The following EXOC1L variants were observed in gnomAD, a reference collection of about 807,000 sequenced individuals.
EXOC1L encodes exocyst complex component 1 like, also known as exocyst complex component 1-like.
In EXOC1L, 10 loss-of-function variants were observed where a neutral mutation model predicts 4.9. That is an observed-to-expected ratio of 2.02 (90% CI 1.25 to 3.43). The LOEUF is 3.43. Among genes scored for constraint, EXOC1L ranks in the 30% most tolerant of loss-of-function variants. The probability of loss-of-function intolerance (pLI) is 0.00; values close to 1 mark genes in which losing one functional copy is unlikely to be tolerated. For missense variants in EXOC1L, 114 were observed against 59.4 expected (o/e 1.92, Z -3.02); for synonymous variants, 41 against 20.8 (o/e 1.97, Z -2.63).
Position 55,837,085 on chromosome 4 carries a change from G to A in EXOC1L, c.253G>A (p.Asp85Asn). 1.4e-6 allele frequency: 1 copy of A among 697,202 alleles called. No homozygotes were observed. Among genetic ancestry groups the A allele is most frequent in the Non-Finnish European group, 2.6e-6 (1 of 381,578 alleles). The allele number at this position is 697,202 out of a possible 1,614,324, so 43.2% of individuals were successfully genotyped here. Residue 85 changes from aspartate to asparagine, a missense_variant and splice_region_variant, in exon 3 of 3, where the codon GAC (aspartate) becomes AAC (asparagine). Physicochemically the swap from Asp to Asn is conservative, Grantham distance 23. Coordinates refer to ENST00000636125, the MANE Select transcript of EXOC1L (RefSeq NM_001351574.3). ...QMIDGKEADT[D>N]NPFFDLHFKK... Reference sequence around the variant, plus strand: ...AATCATGTCTCTCATTCTCTTCCAGGACAATCCATTTTTTGATCTGCACTT... The same window carrying A: ...AATCATGTCTCTCATTCTCTTCCAGAACAATCCATTTTTTGATCTGCACTT...
intron 1 of EXOC1L, 122 bp from the exon 2 acceptor site, chr4:55,831,212 G>A (rs1010327809): frequency 2.1e-6 from 1 of 485,802 alleles, no homozygotes. Flanking sequence ...TTGAGGCGCA[G>A]CTATAATGTG....
intron 1 of EXOC1L, among the ~76,000 whole-genome samples, chr4:55,821,914 A>G (rs1327634710): frequency 1.3e-5 from 2 of 152,236 alleles, no homozygotes; most frequent in East Asian, 3.9e-4. Context: ...TGGAACAGTA[A>G]TTTAAAATAA....
chr4:55,824,421 G>A (rs1719822265), intron 1 of EXOC1L, among the ~76,000 whole-genome samples: 1 of 151,958 alleles, frequency 6.6e-6, no homozygotes, highest in African/African-American at 2.4e-5. Context: ...GGAGTGCAGT[G>A]GCCTGATCTT....
chr4:55,825,959 C>T (rs963535342), intron 1 of EXOC1L, among the ~76,000 whole-genome samples: 5 of 151,592 alleles, frequency 3.3e-5, no homozygotes, highest in African/African-American at 1.2e-4. Flanking sequence ...GTGGTAGGCG[C>T]CTGTAATCCC....
In EXOC1L at chr4:55,830,904, A is replaced by G. The variant is rs1243878661; in HGVS notation, c.122-430A>G. On this transcript the variant is annotated intron_variant, in intron 1 of 2. Coordinates refer to ENST00000636125, the MANE Select transcript of EXOC1L (RefSeq NM_001351574.3). ...ACTCTTCAACACTGTGTTGCTGTAA[A>G]GCAGTACTGTTTACTTCCATGACCT... Among the ~76,000 whole-genome samples the G allele has an allele frequency of 2.6e-5, 4 of 152,218 alleles. No homozygotes were observed. The East Asian group carries it at 7.7e-4, about 29-fold the overall frequency.
chr4:55,832,948 A>G (rs1720070347), intron 2 of EXOC1L, among the ~76,000 whole-genome samples: 1 of 152,014 alleles, frequency 6.6e-6, no homozygotes. Context: ...TCTAATCTGA[A>G]TATCTAAAAT....
In EXOC1L at chr4:55,837,184, A is replaced by C; in HGVS notation, c.352A>C (p.Asn118His). The change falls in exon 3 of 3, where the codon AAT (asparagine) becomes CAT (histidine). Residue 118 changes from asparagine (N) to histidine (H), a missense_variant. Coordinates refer to ENST00000636125, the MANE Select transcript of EXOC1L (RefSeq NM_001351574.3). ...YAFARTVNKL[N>H]HAYLKKDLQI... ...CTTTGCTCGAACTGTAAATAAGCTG[A>C]ATCATGCATATCTTAAAAAGGACTT... The C allele has an allele frequency of 1.4e-6, 1 of 702,112 alleles. No individual in the cohort carries two copies. The highest frequency in any genetic ancestry group is 2.7e-5 in the East Asian group (1 of 37,246). 43.5% of individuals were successfully genotyped at this position (702,112 alleles called of 1,614,324 possible). A position where few individuals can be genotyped will look rare whatever the true frequency, so the allele number is the denominator to read the frequency against.
chr4:55,829,230 C>T (rs1006254696), intron 1 of EXOC1L, among the ~76,000 whole-genome samples: 6 of 152,238 alleles, frequency 3.9e-5, no homozygotes, highest in Admixed American at 6.5e-5. Flanking sequence ...TTAACAGTTA[C>T]TGTAAACCAG....
intron 2 of EXOC1L, among the ~76,000 whole-genome samples, chr4:55,833,364 CA>C (rs1379002302): frequency 6.6e-6 from 1 of 151,654 alleles, no homozygotes; most frequent in Middle Eastern, 3.4e-3. Flanking sequence ...AATGTTTTTA[CA>C]AAAAATATGT....
At chr4:55,830,670 A>G (rs922977329) in intron 1 of EXOC1L, among the ~76,000 whole-genome samples, 12 of 150,816 alleles carry the variant, frequency 8.0e-5, no homozygotes, top group Non-Finnish European at 1.6e-4. Context: ...AAATTTTCCC[A>G]TATCTTTCAA....
At chr4:55,832,420 C>G (rs1280690363) in intron 2 of EXOC1L, among the ~76,000 whole-genome samples, 1 of 151,838 alleles carries the variant, frequency 6.6e-6, no homozygotes, top group African/African-American at 2.4e-5. Flanking sequence ...TTTAATATCA[C>G]TATAGTATGA....
intron 1 of EXOC1L, among the ~76,000 whole-genome samples, chr4:55,828,782 G>A (rs1260428461): frequency 6.6e-6 from 1 of 152,200 alleles, no homozygotes; most frequent in African/African-American, 2.4e-5. Context: ...GGTTGAGGCT[G>A]CAGTGAGCCA....
chr4:55,830,620 A>C (rs1004694230), intron 1 of EXOC1L, among the ~76,000 whole-genome samples: 5 of 152,174 alleles, frequency 3.3e-5, no homozygotes, highest in Non-Finnish European at 7.3e-5. Context: ...TTTAAGACAA[A>C]AAAAGCATTT....
chr4:55,828,708 G>A (rs1026463246), intron 1 of EXOC1L, among the ~76,000 whole-genome samples: 2 of 152,142 alleles, frequency 1.3e-5, no homozygotes, highest in African/African-American at 2.4e-5. Flanking sequence ...GCCAGGCATA[G>A]TGGTGCATTC....
At chr4:55,829,261 T>C (rs1425060599) in intron 1 of EXOC1L, among the ~76,000 whole-genome samples, 1 of 152,232 alleles carries the variant, frequency 6.6e-6, no homozygotes, top group Admixed American at 6.5e-5. Context: ...AAGTTCTTTA[T>C]ATATTTTGTC....
At chr4:55,824,273 T>TCTCTCACA (rs762230810) in intron 1 of EXOC1L, among the ~76,000 whole-genome samples, 21 of 147,178 alleles carry the variant, frequency 1.4e-4, no homozygotes, top group African/African-American at 5.2e-4. Flanking sequence ...TCTCTCTCTC[T>TCTCTCACA]CACACACACA....
At chr4:55,823,128 A>G (rs1196298677) in intron 1 of EXOC1L, among the ~76,000 whole-genome samples, 1 of 151,972 alleles carries the variant, frequency 6.6e-6, no homozygotes, top group Non-Finnish European at 1.5e-5. Context: ...TAATCTGAAA[A>G]TAAATGGCAT....
chr4:55,832,936 C>A (rs560153604), intron 2 of EXOC1L, among the ~76,000 whole-genome samples: 100 of 152,058 alleles, frequency 6.6e-4, no homozygotes, highest in Non-Finnish European at 1.2e-3. Flanking sequence ...CTTAATTATT[C>A]ATCTAATCTG....
At chr4:55,827,298 T>C (rs934882207) in intron 1 of EXOC1L, among the ~76,000 whole-genome samples, 2 of 152,192 alleles carry the variant, frequency 1.3e-5, no homozygotes, top group Non-Finnish European at 2.9e-5. Flanking sequence ...GAACTACCTT[T>C]ACCCATCTTC....
Sources: allele counts gnomAD v4.1 joint callset (sites outside exome capture counted in the v4.1 genomes callset), GRCh38; gene constraint gnomAD v4.1.1; transcripts MANE v1.5; gene names NCBI Gene and HGNC (gene_info 2026-07-23, HGNC 2026-07-21).